The following SESTD1 variants were observed in gnomAD, a reference collection of about 807,000 sequenced individuals.
SESTD1 encodes the protein SEC14 and spectrin domain containing 1.
Under a neutral mutation model 101.7 loss-of-function variants are expected in SESTD1, and 43 were observed. That is an observed-to-expected ratio of 0.42 (90% CI 0.33 to 0.55). The LOEUF (loss-of-function observed/expected upper bound fraction) is 0.55, where lower values mean the gene tolerates loss of function less well. Ranked by LOEUF, SESTD1 falls within the 20% of genes least tolerant of loss-of-function variation. The pLI is 0.07. For synonymous variants in SESTD1, 283 were observed against 286.8 expected (o/e 0.99, Z 0.13); for missense variants, 647 against 815.1 (o/e 0.79, Z 2.51).
intron 5 of SESTD1, among the ~76,000 whole-genome samples, chr2:179,168,369 T>C (rs1366991249): frequency 6.6e-6 from 1 of 152,240 alleles, no homozygotes; most frequent in African/African-American, 2.4e-5. Context: ...ACTGTTTATG[T>C]AATTAGTAAG....
At chr2:179,179,048 T>C (rs1261800052) in intron 3 of SESTD1, among the ~76,000 whole-genome samples, 3 of 152,152 alleles carry the variant, frequency 2.0e-5, no homozygotes, top group East Asian at 1.9e-4. Flanking sequence ...ATAATGAAAA[T>C]ACACAGAATC....
rs758173727 is a variant in SESTD1, at chr2:179,123,770, A to G, written c.1227T>C (p.Asp409=). Residue 409 remains aspartate (D), a synonymous_variant, in exon 12 of 18, where the codon GAT becomes GAC. Transcript: ENST00000428443. ...TTAAAGTTTGCTGAATCGATGCTCCATCAGCTGGTGCTACATCTACGCACA... is the reference window on the plus strand; with the variant it reads ...TTAAAGTTTGCTGAATCGATGCTCCGTCAGCTGGTGCTACATCTACGCACA... ...GMLCVDVAPA[D]GASIQQTLKL... 41 of 1,614,034 alleles carry G rather than the reference A, an allele frequency of 2.5e-5. No homozygotes were observed. Among genetic ancestry groups the G allele is most frequent in the Non-Finnish European group, 3.4e-5 (40 of 1,179,964 alleles).
In SESTD1 at chr2:179,121,658, T is replaced by C. The variant is rs1047655845; in HGVS notation, c.1442+112A>G. The C allele has an allele frequency of 2.3e-5, 18 of 795,374 alleles. No individual in the cohort carries two copies. In the African/African-American group the frequency reaches 3.3e-4, roughly 14 times the overall value. 49.3% of individuals were successfully genotyped at this position (795,374 alleles called of 1,614,324 possible). On this transcript the variant is annotated intron_variant, in intron 13 of 17. Coordinates refer to ENST00000428443, the MANE Select transcript of SESTD1 (RefSeq NM_178123.5). ...ACATTCACCAAAAACCTACTACATGTCTTCTATATAACAGTTAAGAACGTT... is the reference window on the plus strand; with the variant it reads ...ACATTCACCAAAAACCTACTACATGCCTTCTATATAACAGTTAAGAACGTT...
chr2:179,131,275 T>C (rs1217419528), intron 10 of SESTD1, among the ~76,000 whole-genome samples: 2 of 152,152 alleles, frequency 1.3e-5, no homozygotes. Flanking sequence ...AAGAATCAGA[T>C]ATTGTTAAAT....
At chr2:179,122,819 C>T (rs772141933) in intron 12 of SESTD1, among the ~76,000 whole-genome samples, 2 of 152,096 alleles carry the variant, frequency 1.3e-5, no homozygotes, top group African/African-American at 2.4e-5. Context: ...TCACTTGAAT[C>T]GGGGAGGCAG....
At chr2:179,114,633 CTTA>C (rs1332144400) in intron 16 of SESTD1, among the ~76,000 whole-genome samples, 1 of 147,318 alleles carries the variant, frequency 6.8e-6, no homozygotes, top group Admixed American at 6.6e-5. Flanking sequence ...TGTCCTTATT[CTTA>C]TTTTTTTAAT....
In SESTD1 at chr2:179,197,206, T is replaced by C. The variant is rs577076045; in HGVS notation, c.-25-5340A>G. Among the ~76,000 whole-genome samples, 589 of 151,572 alleles carry C rather than the reference T, an allele frequency of 3.9e-3. 1 individual carries two copies. The highest frequency in any genetic ancestry group is 6.8e-3 in the Non-Finnish European group (463 of 67,930). ...ATGCAATCAACTGGAAGAAAGGGTA[T>C]CAGCTATGGAAAATGAAATGAATGA... On this transcript the variant is annotated intron_variant, in intron 1 of 17. Coordinates refer to ENST00000428443, the MANE Select transcript of SESTD1 (RefSeq NM_178123.5).
At position 179,208,452 on chromosome 2, in the gene SESTD1, G is replaced by C. The variant is rs543657304; in HGVS notation, c.-25-16586C>G. Among the ~76,000 whole-genome samples, 2 of 134,768 alleles carry C rather than the reference G, an allele frequency of 1.5e-5. 1 individual carries two copies. The highest frequency in any genetic ancestry group is 5.8e-5 in the African/African-American group (2 of 34,270). 88.4% of individuals were successfully genotyped at this position (134,768 alleles called of 152,430 possible). On this transcript the variant is annotated intron_variant, in intron 1 of 17. Transcript: ENST00000428443. ...ATATCTAAAGTCAAGACAAAGGAAA[G>C]AATCTTAAAGCTGTGAGGCAAAAGC...
At chr2:179,169,842 T>G (rs954995877) in intron 5 of SESTD1, among the ~76,000 whole-genome samples, 1 of 151,838 alleles carries the variant, frequency 6.6e-6, no homozygotes, top group African/African-American at 2.4e-5. Context: ...GGTGTGGTGG[T>G]GCATGCCTGT....
At chr2:179,170,233 G>C (rs1264357304) in intron 5 of SESTD1, among the ~76,000 whole-genome samples, 2 of 146,662 alleles carry the variant, frequency 1.4e-5, no homozygotes, top group East Asian at 3.9e-4. Context: ...AACTGAAAAA[G>C]AGGACTTCAT....
intron 2 of SESTD1, among the ~76,000 whole-genome samples, chr2:179,189,976 C>A (rs556334696): frequency 6.6e-6 from 1 of 152,034 alleles, no homozygotes; most frequent in African/African-American, 2.4e-5. Flanking sequence ...AATGGCCATA[C>A]AGCCCAAAGC....
At chr2:179,228,247 GTA>G (rs2046920785) in intron 1 of SESTD1, among the ~76,000 whole-genome samples, 1 of 152,166 alleles carries the variant, frequency 6.6e-6, no homozygotes, top group Non-Finnish European at 1.5e-5. Context: ...ACGCATGTGT[GTA>G]TGTGTGTGTG....
chr2:179,245,955 A>T (rs1236985391), intron 1 of SESTD1, among the ~76,000 whole-genome samples: 2 of 152,300 alleles, frequency 1.3e-5, no homozygotes, highest in East Asian at 3.9e-4. Context: ...GGAAAAAATA[A>T]ATCATGTAAA....
chr2:179,207,188 T>A (rs1347283684), intron 1 of SESTD1, among the ~76,000 whole-genome samples: 1 of 134,570 alleles, frequency 7.4e-6, no homozygotes, highest in Non-Finnish European at 1.6e-5. Context: ...AAAGTACTCA[T>A]CCTGGCCAAT....
intron 1 of SESTD1, among the ~76,000 whole-genome samples, chr2:179,239,785 C>T (rs1233620738): frequency 6.6e-6 from 1 of 152,148 alleles, no homozygotes; most frequent in Non-Finnish European, 1.5e-5. Context: ...ACATGCAAAC[C>T]TTAAATTATC....
intron 1 of SESTD1, among the ~76,000 whole-genome samples, chr2:179,261,928 CACA>C (rs1357551780): frequency 6.6e-6 from 1 of 152,014 alleles, no homozygotes; most frequent in African/African-American, 2.4e-5. Context: ...AATGAGTATC[CACA>C]ACATTATTTA....
intron 10 of SESTD1, among the ~76,000 whole-genome samples, chr2:179,129,762 A>G (rs1174263158): frequency 2.6e-5 from 4 of 152,228 alleles, no homozygotes; most frequent in African/African-American, 7.2e-5. Context: ...AAATATTAGA[A>G]TATCTTAAAC....
chr2:179,170,786 T>C (rs2045917929), intron 5 of SESTD1, among the ~76,000 whole-genome samples: 1 of 152,168 alleles, frequency 6.6e-6, no homozygotes, highest in South Asian at 2.1e-4. Flanking sequence ...AGTTAATCAC[T>C]AATGGCCAAT....
At chr2:179,249,423 C>G (rs1387740013) in intron 1 of SESTD1, among the ~76,000 whole-genome samples, 1 of 151,894 alleles carries the variant, frequency 6.6e-6, no homozygotes, top group African/African-American at 2.4e-5. Flanking sequence ...TATAATCACT[C>G]CAAAAAATTA....
Sources: gnomAD v4.1 joint callset for allele counts (sites outside exome capture counted in the v4.1 genomes callset) on GRCh38, gnomAD v4.1.1 for gene constraint, MANE v1.5 for transcripts, NCBI Gene and HGNC (gene_info 2026-07-23, HGNC 2026-07-21) for gene names.